ADGRD1: variants seen among roughly 807,000 people sequenced by gnomAD.
The protein encoded by ADGRD1 is adhesion G protein-coupled receptor D1, also known as G-protein coupled receptor 133.
ADGRD1 carries 77 observed loss-of-function variants against 113.4 expected under a neutral mutation model. The observed-to-expected ratio is 0.68, with a 90% CI of 0.57 to 0.82. The LOEUF (loss-of-function observed/expected upper bound fraction) is 0.82, where lower values mean the gene tolerates loss of function less well. Ranked by LOEUF, ADGRD1 falls within the 40% of genes least tolerant of loss-of-function variation. ADGRD1 has a pLI of 0.00. For missense variants in ADGRD1, 1,036 were observed against 1,139.1 expected, an observed-to-expected ratio of 0.91 and a Z score of 1.30; for synonymous variants, 474 against 475.0, an observed-to-expected ratio of 1.00 and a Z score of 0.03.
chr12:130,966,500 A>G lies in ADGRD1; in HGVS notation c.141A>G (p.Pro47=). ...TGGCGTCTGCTTCCCATTACTGGCC[A>G]CTGGAGAATGTGGATGGGATCCATG... ...QVLASASHYW[P]LENVDGIHEL... The change falls in exon 3 of 25, where the codon CCA becomes CCG. Residue 47 remains proline, a synonymous_variant. Transcript: ENST00000261654. This position sits in a 1 kb window ranked among gnomAD's most constrained non-coding sequence, Gnocchi z 4.6. The G allele has an allele frequency of 6.2e-7, 1 of 1,611,964 alleles. No individual in the cohort carries two copies. The highest frequency in any genetic ancestry group is 8.5e-7 in the Non-Finnish European group (1 of 1,178,020).
intron 4 of ADGRD1, among the ~76,000 whole-genome samples, chr12:130,980,169 A>G (rs1385851356): frequency 6.6e-6 from 1 of 150,492 alleles, no homozygotes; most frequent in Non-Finnish European, 1.5e-5. Context: ...CAGTGGCACA[A>G]TCTCGGCTCA....
At chr12:131,069,022 A>T (rs1434410635) in intron 13 of ADGRD1, among the ~76,000 whole-genome samples, 1 of 152,218 alleles carries the variant, frequency 6.6e-6, no homozygotes, top group Non-Finnish European at 1.5e-5. Context: ...CTCCTGAAAG[A>T]TGCCATTAGA....
intron 17 of ADGRD1, among the ~76,000 whole-genome samples, chr12:131,108,182 AG>A (rs916384747): frequency 2.0e-5 from 3 of 152,194 alleles, no homozygotes; most frequent in African/African-American, 7.2e-5. Context: ...TGGTCGCCTG[AG>A]CCCCTTTCAG....
At chr12:131,133,314 C>T (rs1419676461) in intron 21 of ADGRD1, among the ~76,000 whole-genome samples, 1 of 152,206 alleles carries the variant, frequency 6.6e-6, no homozygotes, top group African/African-American at 2.4e-5. Flanking sequence ...CACCCCTGTG[C>T]ACCTGCCCCG....
At chr12:131,109,988 G>A (rs1469745014) in intron 18 of ADGRD1, among the ~76,000 whole-genome samples, 2 of 152,176 alleles carry the variant, frequency 1.3e-5, no homozygotes, top group South Asian at 2.1e-4. Context: ...TTTAAAGTCT[G>A]TTCGTCCCAT....
Position 131,070,617 on chromosome 12 carries a change from C to T in ADGRD1, c.1474-6184C>T, listed in dbSNP as rs567081234. Reference sequence around the variant, plus strand: ...ACTCGGTGCGGGAGACGAGTGGAGGCTGCTGCGTCATCCAGGTGAGAGGAG... The same window carrying T: ...ACTCGGTGCGGGAGACGAGTGGAGGTTGCTGCGTCATCCAGGTGAGAGGAG... On this transcript the variant is annotated intron_variant, in intron 13 of 24. Coordinates refer to ENST00000261654, the MANE Select transcript of ADGRD1 (RefSeq NM_198827.5). 7.1e-5 allele frequency: 22 copies of T among 309,254 alleles called. No homozygotes were observed. The East Asian group carries it at 1.8e-3, about 26-fold the overall frequency. The allele number at this position is 309,254 out of a possible 1,614,324, so 19.2% of individuals were successfully genotyped here.
rs1883276924 is a variant in ADGRD1 at position 131,050,520 on chromosome 12, C to G, written c.1474-26281C>G. On this transcript the variant is annotated intron_variant, in intron 13 of 24. Transcript: ENST00000261654. The surrounding 1 kb of genome is among the most constrained non-coding windows in gnomAD (Gnocchi z 4.8). ...AAGCATGGTGCTGACCTCTGCTCAGCTTCTGGGAAGGCCTCCGGGAGCTAC... is the reference window on the plus strand; with the variant it reads ...AAGCATGGTGCTGACCTCTGCTCAGGTTCTGGGAAGGCCTCCGGGAGCTAC... Among the ~76,000 whole-genome samples the G allele has an allele frequency of 6.6e-6, 1 of 152,104 alleles. No individual in the cohort carries two copies. The highest frequency in any genetic ancestry group is 1.5e-5 in the Non-Finnish European group (1 of 68,032).
rs1045412001 is a variant in ADGRD1, at chr12:130,958,808, C to T, written c.103+4148C>T. ...GCATTTCATTCTAAAGAGTGCTAAACAGCTATGAAAAGCGGCCAGTTTGTC... is the reference window on the plus strand; with the variant it reads ...GCATTTCATTCTAAAGAGTGCTAAATAGCTATGAAAAGCGGCCAGTTTGTC... On this transcript the variant is annotated intron_variant, in intron 2 of 24. Transcript: ENST00000261654. Among the ~76,000 whole-genome samples the T allele has an allele frequency of 2.0e-5, 3 of 152,350 alleles. No individual in the cohort carries two copies. In the East Asian group the frequency reaches 5.8e-4, roughly 29 times the overall value.
chr12:131,014,083 AAAG>A, intron 12 of ADGRD1, 113 bp from the exon 13 acceptor site: 2 of 1,030,308 alleles, frequency 1.9e-6, no homozygotes, highest in Admixed American at 2.5e-5. Flanking sequence ...AGCTTCATCC[AAAG>A]AAGATTTCCG....
At chr12:131,080,678 T>G (rs966424145) in intron 14 of ADGRD1, among the ~76,000 whole-genome samples, 1 of 152,196 alleles carries the variant, frequency 6.6e-6, no homozygotes, top group Non-Finnish European at 1.5e-5. Flanking sequence ...TGGAGTGCAG[T>G]GGCATGGTCT....
chr12:131,056,992 G>A (rs944253988), intron 13 of ADGRD1, among the ~76,000 whole-genome samples: 8 of 152,158 alleles, frequency 5.3e-5, no homozygotes, highest in South Asian at 2.1e-4. Context: ...GTTGACATTC[G>A]ACAAATAGAT....
chr12:131,126,199 G>A (rs562022371), intron 20 of ADGRD1, among the ~76,000 whole-genome samples: 1 of 152,218 alleles, frequency 6.6e-6, no homozygotes, highest in Non-Finnish European at 1.5e-5. Context: ...TTGCTCTCGT[G>A]AATAAGTTAA....
chr12:131,120,684 A>G, intron 19 of ADGRD1, 163 bp from the exon 20 acceptor site: 1 of 718,894 alleles, frequency 1.4e-6, no homozygotes, highest in Non-Finnish European at 2.5e-6. Flanking sequence ...ACGTGGGATC[A>G]TCATGGATAA....
rs1950922354 is a variant in ADGRD1 at position 131,131,345 on chromosome 12, A to G, written c.2176-380A>G. Reference sequence around the variant, plus strand: ...TGGCACATTGAGCAGTCGTTTGCACAGTGGGCACTATCCTTCTCATCACCT... The same window carrying G: ...TGGCACATTGAGCAGTCGTTTGCACGGTGGGCACTATCCTTCTCATCACCT... On this transcript the variant is annotated intron_variant, in intron 20 of 24. Coordinates refer to ENST00000261654, the MANE Select transcript of ADGRD1 (RefSeq NM_198827.5). Among the ~76,000 whole-genome samples the G allele has an allele frequency of 2.0e-5, 3 of 152,208 alleles. No homozygotes were observed. In the South Asian group the frequency reaches 6.2e-4, roughly 31 times the overall value.
At position 130,971,662 on chromosome 12, in the gene ADGRD1, G is replaced by A; in HGVS notation, c.310+82G>A. On this transcript the variant is annotated intron_variant, in intron 4 of 24. Coordinates refer to ENST00000261654, the MANE Select transcript of ADGRD1 (RefSeq NM_198827.5). The surrounding 1 kb of genome is among the most constrained non-coding windows in gnomAD (Gnocchi z 4.2). Reference sequence around the variant, plus strand: ...TGCTCCTCTGGTGACTGGAAGATGTGAACCTGAGGTTCTCATCAATTGCAG... The same window carrying A: ...TGCTCCTCTGGTGACTGGAAGATGTAAACCTGAGGTTCTCATCAATTGCAG... 1.4e-6 allele frequency: 2 copies of A among 1,430,602 alleles called. No individual in the cohort carries two copies. Among genetic ancestry groups the A allele is most frequent in the Non-Finnish European group, 1.9e-6 (2 of 1,054,686 alleles). The allele number at this position is 1,430,602 out of a possible 1,614,324, so 88.6% of individuals were successfully genotyped here.
chr12:131,008,481 C>A (rs1036116599), intron 12 of ADGRD1, among the ~76,000 whole-genome samples: 4 of 152,174 alleles, frequency 2.6e-5, no homozygotes, highest in Non-Finnish European at 5.9e-5. Context: ...TAAGTCAGTA[C>A]GTGAGTCTCA....
chr12:131,139,312 C>CT lies in ADGRD1; in HGVS notation c.*49_*50insT. The CT allele has an allele frequency of 7.7e-7, 1 of 1,298,744 alleles. No homozygotes were observed. Among genetic ancestry groups the CT allele is most frequent in the East Asian group, 2.4e-5 (1 of 41,116 alleles). The allele number at this position is 1,298,744 out of a possible 1,614,324, so 80.5% of individuals were successfully genotyped here. A position where few individuals can be genotyped will look rare whatever the true frequency, so the allele number is the denominator to read the frequency against. On this transcript the variant is annotated 3_prime_UTR_variant, in exon 25 of 25. Transcript: ENST00000261654. The stretch of plus-strand genomic sequence containing the variant: ...AGGCTGCGCTCAGAACACACCCCCC[C>CT]AAACAGAATGAAATGCCCCACCTTT...
intron 15 of ADGRD1, among the ~76,000 whole-genome samples, chr12:131,102,464 C>G (rs1950110868): frequency 6.6e-6 from 1 of 152,210 alleles, no homozygotes; most frequent in Non-Finnish European, 1.5e-5. Context: ...GACCTCAGCT[C>G]CCACCTGGTG....
chr12:131,051,176 A>G (rs1463203807), intron 13 of ADGRD1, among the ~76,000 whole-genome samples: 1 of 152,172 alleles, frequency 6.6e-6, no homozygotes, highest in Non-Finnish European at 1.5e-5. Context: ...CAGCTGGGGG[A>G]GGAAGATGCA....
Sources: gnomAD v4.1 joint callset for allele counts (sites outside exome capture counted in the v4.1 genomes callset) on GRCh38, gnomAD v4.1.1 for gene constraint, Gnocchi (gnomAD v3.1) non-coding constraint, MANE v1.5 for transcripts, NCBI Gene and HGNC (gene_info 2026-07-23, HGNC 2026-07-21) for gene names.